The following NRG3 variants were observed in gnomAD, a reference collection of about 807,000 sequenced individuals.
NRG3 encodes pro-neuregulin-3, membrane-bound isoform.
Under a neutral mutation model 66.9 loss-of-function variants are expected in NRG3, and 31 were observed. The observed-to-expected ratio is 0.46, with a 90% CI of 0.35 to 0.63. The LOEUF is 0.63. Ranked by LOEUF, NRG3 falls within the 20% of genes least tolerant of loss-of-function variation. The pLI is 0.00. For synonymous variants in NRG3, 393 were observed against 359.4 expected, an observed-to-expected ratio of 1.09 and a Z score of -1.06; for missense variants, 910 against 878.9, an observed-to-expected ratio of 1.04 and a Z score of -0.45.
intron 6 of NRG3, among the ~76,000 whole-genome samples, chr10:82,965,126 C>T (rs967325343): frequency 6.6e-6 from 1 of 152,170 alleles, no homozygotes; most frequent in Admixed American, 6.6e-5. Flanking sequence ...CAACAAAAAA[C>T]ACTTGAGCTA....
At chr10:82,553,669 C>T (rs1232428612) in intron 2 of NRG3, among the ~76,000 whole-genome samples, 1 of 152,050 alleles carries the variant, frequency 6.6e-6, no homozygotes, top group African/African-American at 2.4e-5. Flanking sequence ...ATGCTGGGAG[C>T]TGGTGCTCGG....
chr10:82,254,007 A>G (rs2077599832), intron 1 of NRG3, among the ~76,000 whole-genome samples: 1 of 152,190 alleles, frequency 6.6e-6, no homozygotes, highest in African/African-American at 2.4e-5. Flanking sequence ...TCAAGATCTC[A>G]ACTTAAATAT....
At chr10:82,938,156 A>T (rs976086355) in intron 4 of NRG3, among the ~76,000 whole-genome samples, 1 of 152,172 alleles carries the variant, frequency 6.6e-6, no homozygotes, top group African/African-American at 2.4e-5. Flanking sequence ...AAAGCTTTGG[A>T]AGCTGAAATT....
chr10:82,955,185 C>T (rs909397271), intron 5 of NRG3: 1 of 151,754 alleles, frequency 6.6e-6, no homozygotes, highest in Admixed American at 6.6e-5. Flanking sequence ...GGCATGACTT[C>T]ATCAGAAGGA....
chr10:82,924,179 A>C (rs188259619), intron 4 of NRG3, among the ~76,000 whole-genome samples: 88 of 152,072 alleles, frequency 5.8e-4, no homozygotes, highest in South Asian at 4.2e-4. Context: ...GGCAGAAAGC[A>C]CTAAACAAAT....
intron 2 of NRG3, among the ~76,000 whole-genome samples, chr10:82,548,039 GTTTT>G (rs57096412): frequency 2.5e-5 from 3 of 121,012 alleles, no homozygotes; most frequent in African/African-American, 8.4e-5. Context: ...CTCATGCCAC[GTTTT>G]TTTTTTTTTT....
At chr10:82,799,038 G>A (rs1373813798) in intron 3 of NRG3, among the ~76,000 whole-genome samples, 1 of 151,962 alleles carries the variant, frequency 6.6e-6, no homozygotes, top group Non-Finnish European at 1.5e-5. Context: ...ATATAGAAGA[G>A]GATTATTTAG....
At chr10:82,742,288 A>T (rs970954234) in intron 3 of NRG3, among the ~76,000 whole-genome samples, 2 of 152,108 alleles carry the variant, frequency 1.3e-5, no homozygotes, top group South Asian at 4.1e-4. Context: ...TATTTAGGAA[A>T]ATGGTGCAAG....
intron 3 of NRG3, among the ~76,000 whole-genome samples, chr10:82,851,395 A>G (rs1296075769): frequency 1.3e-5 from 2 of 152,178 alleles, no homozygotes; most frequent in Non-Finnish European, 2.9e-5. Context: ...AGGCAGGGAA[A>G]GAAATGCATG....
At chr10:82,213,010 T>G (rs996573381) in intron 1 of NRG3, among the ~76,000 whole-genome samples, 7 of 152,152 alleles carry the variant, frequency 4.6e-5, no homozygotes, top group African/African-American at 1.7e-4. Flanking sequence ...GGCCCTACTT[T>G]CGGTTCCCAG....
chr10:82,130,276 G>C (rs983467678), intron 1 of NRG3, among the ~76,000 whole-genome samples: 10 of 151,402 alleles, frequency 6.6e-5, no homozygotes, highest in Non-Finnish European at 1.2e-4. Flanking sequence ...TGTGCATGAC[G>C]TGCAGGTTTG....
intron 1 of NRG3, among the ~76,000 whole-genome samples, chr10:82,024,338 A>AT (rs58211700): frequency 0.017 from 2,537 of 151,604 alleles, 80 homozygotes; most frequent in African/African-American, 0.058. Context: ...CCTTAATTTC[A>AT]TTTTTTCTGC....
intron 2 of NRG3, among the ~76,000 whole-genome samples, chr10:82,582,359 T>G (rs937373839): frequency 1.3e-5 from 2 of 152,080 alleles, no homozygotes; most frequent in African/African-American, 4.8e-5. Context: ...TAAACTTCTG[T>G]TTTCACAAAG....
chr10:82,323,450 A>G (rs935293303), intron 1 of NRG3, among the ~76,000 whole-genome samples: 2 of 151,332 alleles, frequency 1.3e-5, no homozygotes, highest in Admixed American at 1.3e-4. Flanking sequence ...AAATCTTCAC[A>G]TACGTGGGAT....
chr10:82,772,091 G>C (rs1218848950), intron 3 of NRG3, among the ~76,000 whole-genome samples: 1 of 151,842 alleles, frequency 6.6e-6, no homozygotes, highest in Admixed American at 6.6e-5. Flanking sequence ...ATTAACTTTT[G>C]ATGTCTACTT....
At chr10:82,909,082 C>T (rs757288292) in intron 4 of NRG3, among the ~76,000 whole-genome samples, 1 of 152,192 alleles carries the variant, frequency 6.6e-6, no homozygotes, top group East Asian at 1.9e-4. Flanking sequence ...GAAACTGAGG[C>T]CATGCCTTGC....
intron 2 of NRG3, among the ~76,000 whole-genome samples, chr10:82,502,430 A>T (rs1025507372): frequency 3.9e-5 from 6 of 152,210 alleles, no homozygotes; most frequent in Admixed American, 3.3e-4. Flanking sequence ...GCTTTATTGC[A>T]GGGGCAAAGT....
At chr10:82,349,751 G>A (rs1028551737) in intron 1 of NRG3, among the ~76,000 whole-genome samples, 37 of 152,198 alleles carry the variant, frequency 2.4e-4, no homozygotes, top group African/African-American at 6.8e-4. Context: ...AGCCAGGTGC[G>A]GGATAGAATC....
At chr10:82,283,376 T>C (rs1039511548) in intron 1 of NRG3, among the ~76,000 whole-genome samples, 2 of 152,212 alleles carry the variant, frequency 1.3e-5, no homozygotes, top group Non-Finnish European at 2.9e-5. Context: ...AGTGATCATA[T>C]TCACATATGA....
Sources: allele counts gnomAD v4.1 joint callset (sites outside exome capture counted in the v4.1 genomes callset), GRCh38; gene constraint gnomAD v4.1.1; transcripts MANE v1.5; gene names NCBI Gene and HGNC (gene_info 2026-07-23, HGNC 2026-07-21).